The following RNF220 variants were observed in gnomAD, a reference collection of about 807,000 sequenced individuals.
RNF220 encodes the protein ring finger protein 220.
In RNF220, 7 loss-of-function variants were observed where a neutral mutation model predicts 67.1. The ratio of observed to expected loss-of-function variants is 0.10; its 90% CI spans 0.06 to 0.20. The LOEUF (loss-of-function observed/expected upper bound fraction) is 0.20, where lower values mean the gene tolerates loss of function less well. RNF220 is among the 10% of genes least tolerant of loss of function. The probability of loss-of-function intolerance (pLI) is 1.00; values close to 1 mark genes in which losing one functional copy is unlikely to be tolerated. For synonymous variants in RNF220, 270 were observed against 283.2 expected, an observed-to-expected ratio of 0.95 and a Z score of 0.47; for missense variants, 565 against 740.3, an observed-to-expected ratio of 0.76 and a Z score of 2.75.
chr1:44,621,567 A>T lies in RNF220; in HGVS notation c.759-1175A>T, dbSNP rs1166719158. ...CTGGATGTCCCCTGTGCAGGTGAAC[A>T]TCCCTTCCCCTTCTCCCCTGTCCCC... On this transcript the variant is annotated intron_variant, in intron 3 of 14. Transcript: ENST00000361799. This position sits in a 1 kb window ranked among gnomAD's most constrained non-coding sequence, Gnocchi z 4.8. 6.6e-6 allele frequency among the ~76,000 whole-genome samples: 1 copy of T among 152,110 alleles called. No individual in the cohort carries two copies. Among genetic ancestry groups the T allele is most frequent in the African/African-American group, 2.4e-5 (1 of 41,426 alleles).
chr1:44,546,330 G>A (rs927899443), intron 2 of RNF220, among the ~76,000 whole-genome samples: 2 of 152,140 alleles, frequency 1.3e-5, no homozygotes, highest in Non-Finnish European at 2.9e-5. Flanking sequence ...GAGGTCGCAT[G>A]GCTAGGACTT....
rs992376487 is a variant in RNF220 at position 44,417,949 on chromosome 1, G to A, written c.625+5227G>A. 1.3e-5 allele frequency among the ~76,000 whole-genome samples: 2 copies of A among 151,776 alleles called. No individual in the cohort carries two copies. The highest frequency in any genetic ancestry group is 2.9e-5 in the Non-Finnish European group (2 of 67,820). On this transcript the variant is annotated intron_variant, in intron 2 of 14. Coordinates refer to ENST00000361799, the MANE Select transcript of RNF220 (RefSeq NM_018150.4). This position sits in a 1 kb window ranked among gnomAD's most constrained non-coding sequence, Gnocchi z 4.0. ...GGAGGACTCCGCGCGCCGCCTCGAG[G>A]GCCGGGAGCGCCCAGCCCGCGGCCG...
At chr1:44,553,840 C>T (rs534369874) in intron 2 of RNF220, among the ~76,000 whole-genome samples, 14 of 152,138 alleles carry the variant, frequency 9.2e-5, no homozygotes, top group Admixed American at 2.0e-4. Flanking sequence ...GAGCTAGCAA[C>T]GACAGGGGAG....
chr1:44,577,231 G>A (rs1664873673), intron 2 of RNF220, among the ~76,000 whole-genome samples: 1 of 151,994 alleles, frequency 6.6e-6, no homozygotes, highest in African/African-American at 2.4e-5. Flanking sequence ...AGCCATCTTC[G>A]GCCACTGCCC....
At chr1:44,455,537 T>C (rs760634755) in intron 2 of RNF220, among the ~76,000 whole-genome samples, 62 of 152,200 alleles carry the variant, frequency 4.1e-4, no homozygotes, top group Non-Finnish European at 7.8e-4. Flanking sequence ...AGGGATTTAA[T>C]AAATATTTGA....
chr1:44,414,909 G>A (rs1221020232), intron 2 of RNF220, among the ~76,000 whole-genome samples: 9 of 150,394 alleles, frequency 6.0e-5, no homozygotes, highest in South Asian at 4.3e-4. Context: ...GTACACCCTC[G>A]TTATTATCCA....
intron 6 of RNF220, 27 bp downstream of exon 6, chr1:44,632,412 G>GCCCCACCCCCGGCCTCCTCCCTCCC (rs1644178708): frequency 2.8e-5 from 26 of 934,622 alleles, no homozygotes; most frequent in Non-Finnish European, 3.5e-5. Flanking sequence ...CCCTCCCTCC[G>GCCCCACCCCCGGCCTCCTCCCTCCC]CCCCACCCCC....
intron 2 of RNF220, among the ~76,000 whole-genome samples, chr1:44,584,577 G>A (rs1665555074): frequency 6.6e-6 from 1 of 152,186 alleles, no homozygotes; most frequent in Non-Finnish European, 1.5e-5. Flanking sequence ...ACCCTAGCTG[G>A]CTGTCCCTCA....
chr1:44,638,778 T>G (rs940033174), intron 8 of RNF220, among the ~76,000 whole-genome samples: 2 of 152,116 alleles, frequency 1.3e-5, no homozygotes, highest in Non-Finnish European at 2.9e-5. Flanking sequence ...GATTGATATT[T>G]TAGGACAAAA....
intron 2 of RNF220, among the ~76,000 whole-genome samples, chr1:44,440,551 T>C (rs779008139): frequency 5.3e-5 from 8 of 152,218 alleles, no homozygotes; most frequent in Admixed American, 2.6e-4. Flanking sequence ...CCATTTTATA[T>C]AGTGCAGCTG....
intron 2 of RNF220, among the ~76,000 whole-genome samples, chr1:44,509,618 T>G (rs1658774951): frequency 6.6e-6 from 1 of 150,386 alleles, no homozygotes; most frequent in African/African-American, 2.4e-5. Context: ...CTGGGTGCAG[T>G]GGCTCACACC....
chr1:44,534,529 A>G (rs1397130376), intron 2 of RNF220, among the ~76,000 whole-genome samples: 3 of 152,148 alleles, frequency 2.0e-5, no homozygotes, highest in Non-Finnish European at 4.4e-5. Flanking sequence ...TAAATACCAA[A>G]TATCACTTCT....
In RNF220 at chr1:44,604,285, GC is replaced by G. The variant is rs137953798; in HGVS notation, c.626-9877del. 6.2e-3 allele frequency among the ~76,000 whole-genome samples: 950 copies of G among 152,320 alleles called. 12 individuals are homozygous for G. The highest frequency in any genetic ancestry group is 0.021 in the African/African-American group (882 of 41,564). ...ACATGTGGATATTTTCCAGAATCAG[GC>G]CCTTCACTGTAGTCTGTGAAGCCTA... On this transcript the variant is annotated intron_variant, in intron 2 of 14. Transcript: ENST00000361799.
At position 44,412,082 on chromosome 1, in the gene RNF220, A is replaced by G. The variant is rs777445224; in HGVS notation, c.-16A>G. 16 of 1,594,162 alleles carry G rather than the reference A, an allele frequency of 1.0e-5. No homozygotes were observed. ...GACTGCTTCTTGCGTAACGCCGGCC[A>G]CAGAAAGAGACTCCGATGGACTTAC... On this transcript the variant is annotated 5_prime_UTR_variant, in exon 2 of 15. Transcript: ENST00000361799. This position sits in a 1 kb window ranked among gnomAD's most constrained non-coding sequence, Gnocchi z 5.3.
chr1:44,460,500 A>G (rs138302886), intron 2 of RNF220, among the ~76,000 whole-genome samples: 150 of 152,358 alleles, frequency 9.8e-4, no homozygotes, highest in African/African-American at 3.6e-3. Flanking sequence ...GATAAAAAAT[A>G]TGTCAGTAGG....
At chr1:44,597,606 C>T (rs1054516342) in intron 2 of RNF220, among the ~76,000 whole-genome samples, 3 of 151,906 alleles carry the variant, frequency 2.0e-5, no homozygotes, top group African/African-American at 7.3e-5. Flanking sequence ...TTATGCACCC[C>T]TTTCTCTCAT....
In RNF220 at chr1:44,552,563, CTTCTTTTTTTTTTTT is replaced by C. The variant is rs1201596536; in HGVS notation, c.626-61599_626-61585del. On this transcript the variant is annotated intron_variant, in intron 2 of 14. Transcript: ENST00000361799. ...AATGGCTCCCTGCTATTCTAAACTT[CTTCTTTTTTTTTTTT>C]TTTTTTTTTTGAGACAGAGTCTTGC... Among the ~76,000 whole-genome samples, 3 of 71,362 alleles carry C rather than the reference CTTCTTTTTTTTTTTT, an allele frequency of 4.2e-5. No homozygotes were observed. The Admixed American group carries it at 6.4e-4, about 15-fold the overall frequency. 46.8% of individuals were successfully genotyped at this position (71,362 alleles called of 152,430 possible). A position where few individuals can be genotyped will look rare whatever the true frequency, so the allele number is the denominator to read the frequency against.
chr1:44,556,789 G>A (rs1248927551), intron 2 of RNF220, among the ~76,000 whole-genome samples: 1 of 151,948 alleles, frequency 6.6e-6, no homozygotes, highest in African/African-American at 2.4e-5. Context: ...TCAATCTCCT[G>A]ACCTTGTGAT....
In RNF220 at chr1:44,626,385, C is replaced by T; in HGVS notation, c.893C>T (p.Ser298Leu). The T allele has an allele frequency of 6.2e-7, 1 of 1,613,804 alleles. No individual in the cohort carries two copies. The highest frequency in any genetic ancestry group is 1.1e-5 in the South Asian group (1 of 91,070). ...HSSATDDLHHSDRYQTFLRVR... is the reference protein window; with the variant it reads ...HSSATDDLHHLDRYQTFLRVR... ...TCTGCCACCGATGACCTCCACCATT[C>T]AGACAGATACCAGGTGAGGAGGGGT... The change falls in exon 5 of 15, where the codon TCA becomes TTA. Residue 298 changes from serine (S) to leucine (L), a missense_variant. Coordinates refer to ENST00000361799, the MANE Select transcript of RNF220 (RefSeq NM_018150.4).
Sources: gnomAD v4.1 joint callset for allele counts (sites outside exome capture counted in the v4.1 genomes callset) on GRCh38, gnomAD v4.1.1 for gene constraint, Gnocchi (gnomAD v3.1) non-coding constraint, MANE v1.5 for transcripts, NCBI Gene and HGNC (gene_info 2026-07-23, HGNC 2026-07-21) for gene names.